Variants in DYNC1I1 observed in about 807,000 individuals in gnomAD.
DYNC1I1 encodes the protein cytoplasmic dynein 1 intermediate chain 1.
A neutral mutation model predicts 86.6 loss-of-function variants in DYNC1I1; 43 were observed. The ratio of observed to expected loss-of-function variants is 0.50; its 90% CI spans 0.39 to 0.64. The LOEUF is 0.64. DYNC1I1 is among the 30% of genes least tolerant of loss of function. The pLI is 0.00. For synonymous variants in DYNC1I1, 262 were observed against 283.7 expected (o/e 0.92, Z 0.77); for missense variants, 604 against 788.8 (o/e 0.77, Z 2.81).
At chr7:95,813,218 A>G (rs765427668) in intron 3 of DYNC1I1, 29 bp from the exon 4 acceptor site, 3 of 1,612,148 alleles carry the variant, frequency 1.9e-6, no homozygotes, top group Non-Finnish European at 2.5e-6. Flanking sequence ...ATTTTTTAAC[A>G]TGGGATACCT....
chr7:95,935,277 T>C (rs1052047995), intron 6 of DYNC1I1, among the ~76,000 whole-genome samples: 1 of 152,086 alleles, frequency 6.6e-6, no homozygotes, highest in Non-Finnish European at 1.5e-5. Flanking sequence ...ATCCCCAACA[T>C]TCATTCATGA....
intron 5 of DYNC1I1, among the ~76,000 whole-genome samples, chr7:95,846,411 A>C (rs755832624): frequency 2.6e-5 from 4 of 152,216 alleles, no homozygotes; most frequent in African/African-American, 7.2e-5. Flanking sequence ...TCTGTTCAGG[A>C]AAAATGCTTT....
At chr7:95,882,872 A>G (rs1237874834) in intron 6 of DYNC1I1, among the ~76,000 whole-genome samples, 8 of 152,306 alleles carry the variant, frequency 5.3e-5, no homozygotes, top group Middle Eastern at 3.4e-3. Flanking sequence ...AGGTTTGCCT[A>G]CATAGTTGAA....
intron 6 of DYNC1I1, among the ~76,000 whole-genome samples, chr7:95,892,015 T>A (rs1358800974): frequency 6.6e-6 from 1 of 152,182 alleles, no homozygotes; most frequent in Non-Finnish European, 1.5e-5. Flanking sequence ...TCACCCAGGC[T>A]GGAGTGCAGT....
chr7:95,909,552 G>C (rs1243817268), intron 6 of DYNC1I1, among the ~76,000 whole-genome samples: 1 of 152,086 alleles, frequency 6.6e-6, no homozygotes, highest in Non-Finnish European at 1.5e-5. Flanking sequence ...AAGGAAAAGA[G>C]GAAGGAGGAA....
intron 16 of DYNC1I1, among the ~76,000 whole-genome samples, chr7:96,081,707 T>G (rs1402666698): frequency 1.3e-5 from 2 of 152,216 alleles, no homozygotes; most frequent in East Asian, 3.8e-4. Flanking sequence ...GGGTTCTTTA[T>G]GGTTTCATCA....
rs558999653 is a variant in DYNC1I1, at chr7:95,832,610, C to T, written c.374+4494C>T. On this transcript the variant is annotated intron_variant, in intron 5 of 16. Transcript: ENST00000447467. Reference sequence around the variant, plus strand: ...ACAGTGTAAAAGTATTCCTATTTCTCCACATCCTCTCCAGCACCTGTTATT... The same window carrying T: ...ACAGTGTAAAAGTATTCCTATTTCTTCACATCCTCTCCAGCACCTGTTATT... 4.6e-3 allele frequency among the ~76,000 whole-genome samples: 705 copies of T among 152,218 alleles called. 4 individuals carry two copies. The highest frequency in any genetic ancestry group is 0.016 in the African/African-American group (664 of 41,514).
At chr7:95,790,314 G>A (rs79827632) in intron 1 of DYNC1I1, among the ~76,000 whole-genome samples, 8,163 of 152,056 alleles carry the variant, frequency 0.054, 279 homozygotes, top group African/African-American at 0.087. Flanking sequence ...TTCCATTTGC[G>A]TCTTCCTCCA....
chr7:95,922,910 G>GT (rs1383443287), intron 6 of DYNC1I1, among the ~76,000 whole-genome samples: 2 of 151,868 alleles, frequency 1.3e-5, no homozygotes. Context: ...TTCTAAAGAC[G>GT]TATTTTAGCT....
At chr7:95,954,870 C>T (rs961917711) in intron 6 of DYNC1I1, among the ~76,000 whole-genome samples, 1 of 140,124 alleles carries the variant, frequency 7.1e-6, no homozygotes, top group African/African-American at 2.7e-5. Flanking sequence ...GAGCCGAGAT[C>T]GCACCACTGC....
At chr7:96,063,101 A>G (rs28609586) in intron 14 of DYNC1I1, among the ~76,000 whole-genome samples, 171 of 128,288 alleles carry the variant, frequency 1.3e-3, no homozygotes, top group African/African-American at 4.7e-3. Flanking sequence ...GTGTGTGTGT[A>G]TATATATGTG....
chr7:95,845,187 G>A (rs1401571904), intron 5 of DYNC1I1, among the ~76,000 whole-genome samples: 1 of 152,112 alleles, frequency 6.6e-6, no homozygotes, highest in African/African-American at 2.4e-5. Context: ...TGCATTCTTG[G>A]CTGAAAGAGA....
intron 16 of DYNC1I1, among the ~76,000 whole-genome samples, chr7:96,094,954 T>G (rs1274552019): frequency 6.6e-6 from 1 of 152,130 alleles, no homozygotes; most frequent in South Asian, 2.1e-4. Context: ...ACTTCAAACA[T>G]TTTGCCAGTC....
rs781721654 is a variant in DYNC1I1 at position 95,813,243 on chromosome 7, T to G, written c.224-4T>G. 5.0e-6 allele frequency: 8 copies of G among 1,613,208 alleles called. No homozygotes were observed. The East Asian group carries it at 1.6e-4, about 31-fold the overall frequency. On this transcript the variant is annotated splice_polypyrimidine_tract_variant and splice_region_variant and intron_variant, in intron 3 of 16. Transcript: ENST00000447467. ...ATGGGATACCTGTTATTTTCATTAT[T>G]TAGTCCCAACCCCTATGTCTCCCTC...
intron 6 of DYNC1I1, among the ~76,000 whole-genome samples, chr7:95,897,806 A>T (rs563564695): frequency 6.6e-6 from 1 of 151,704 alleles, no homozygotes; most frequent in Admixed American, 6.6e-5. Flanking sequence ...TAGAGAGATA[A>T]CATGCAATTA....
At chr7:95,812,934 A>C (rs1794861748) in intron 3 of DYNC1I1, among the ~76,000 whole-genome samples, 1 of 152,274 alleles carries the variant, frequency 6.6e-6, no homozygotes, top group Non-Finnish European at 1.5e-5. Context: ...TGTTAGAGAG[A>C]TATTTGACTT....
intron 6 of DYNC1I1, 37 bp downstream of exon 6, chr7:95,870,035 C>G (rs745998715): frequency 6.5e-6 from 10 of 1,550,194 alleles, no homozygotes; most frequent in Non-Finnish European, 1.8e-6. Flanking sequence ...CATATTATCT[C>G]TGGAGAAATC....
chr7:95,857,452 T>C (rs1422763376), intron 5 of DYNC1I1, among the ~76,000 whole-genome samples: 1 of 152,196 alleles, frequency 6.6e-6, no homozygotes, highest in Non-Finnish European at 1.5e-5. Context: ...TTTGTTGGCA[T>C]TGCAATTCAG....
chr7:95,966,384 C>G (rs1012092808), intron 6 of DYNC1I1, among the ~76,000 whole-genome samples: 7 of 152,180 alleles, frequency 4.6e-5, no homozygotes, highest in African/African-American at 1.7e-4. Flanking sequence ...TCCTCTAAAT[C>G]TTAAGTAGTA....
Sources: gnomAD v4.1 joint callset for allele counts (sites outside exome capture counted in the v4.1 genomes callset) on GRCh38, gnomAD v4.1.1 for gene constraint, MANE v1.5 for transcripts, NCBI Gene and HGNC (gene_info 2026-07-23, HGNC 2026-07-21) for gene names.